Variants in ANKRD44 observed in about 807,000 individuals in gnomAD.
ANKRD44 encodes serine/threonine-protein phosphatase 6 regulatory ankyrin repeat subunit B.
Under a neutral mutation model 116.0 loss-of-function variants are expected in ANKRD44, and 35 were observed. That is an observed-to-expected ratio of 0.30 (90% CI 0.23 to 0.40). The LOEUF is 0.40. Ranked by LOEUF, ANKRD44 falls within the 10% of genes least tolerant of loss-of-function variation. The pLI is 1.00. For synonymous variants in ANKRD44, 435 were observed against 461.8 expected, an observed-to-expected ratio of 0.94 and a Z score of 0.74; for missense variants, 1,014 against 1,242.6, an observed-to-expected ratio of 0.82 and a Z score of 2.77.
intron 20 of ANKRD44, among the ~76,000 whole-genome samples, chr2:197,006,502 G>A (rs1429643294): frequency 6.6e-6 from 1 of 152,106 alleles, no homozygotes; most frequent in Non-Finnish European, 1.5e-5. Context: ...TTAGAATCAG[G>A]AAGATCTAAG....
chr2:197,037,775 A>G (rs1484080604), intron 16 of ANKRD44, among the ~76,000 whole-genome samples: 1 of 152,118 alleles, frequency 6.6e-6, no homozygotes, highest in Non-Finnish European at 1.5e-5. Flanking sequence ...CTGTCTCTAC[A>G]AACAATGACA....
Position 197,022,890 on chromosome 2 carries a change from C to T in ANKRD44, c.1722+2306G>A, listed in dbSNP as rs141174041. Among the ~76,000 whole-genome samples the T allele has an allele frequency of 2.2e-3, 329 of 152,272 alleles. 1 individual carries two copies. The highest frequency in any genetic ancestry group is 7.5e-3 in the African/African-American group (311 of 41,538). On this transcript the variant is annotated intron_variant, in intron 17 of 27. Coordinates refer to ENST00000282272, the MANE Select transcript of ANKRD44 (RefSeq NM_001195144.2). ...CTCAATACTTTCTATCTCCCTGATC[C>T]CATTTCATTTTCTCTGTAGCACCTG...
chr2:196,974,258 T>C (rs1431403593), intron 21 of ANKRD44, among the ~76,000 whole-genome samples: 1 of 151,994 alleles, frequency 6.6e-6, no homozygotes, highest in African/African-American at 2.4e-5. Context: ...AATTTCTGTG[T>C]TTTTTGTAGA....
At position 196,988,705 on chromosome 2, in the gene ANKRD44, CAG is replaced by C. The variant is rs1425464249; in HGVS notation, c.*884_*885del. ...GGAAATGGAACTCATTATAAAACGT[CAG>C]AGAGTACTGCTCTAATTCGACACAT... On this transcript the variant is annotated 3_prime_UTR_variant, in exon 28 of 28. Coordinates refer to ENST00000282272, the MANE Select transcript of ANKRD44 (RefSeq NM_001195144.2). 1.3e-5 allele frequency: 13 copies of C among 985,266 alleles called. No individual in the cohort carries two copies. The highest frequency in any genetic ancestry group is 1.7e-5 in the African/African-American group (1 of 57,230). 61.0% of individuals were successfully genotyped at this position (985,266 alleles called of 1,614,324 possible).
chr2:197,059,347 T>C (rs144971854), intron 16 of ANKRD44, among the ~76,000 whole-genome samples: 14 of 152,342 alleles, frequency 9.2e-5, no homozygotes, highest in Middle Eastern at 3.4e-3. Context: ...AACATAAATA[T>C]GCTTTGGGAC....
At chr2:197,127,538 C>T (rs2079003602) in intron 4 of ANKRD44, among the ~76,000 whole-genome samples, 1 of 151,646 alleles carries the variant, frequency 6.6e-6, no homozygotes, top group African/African-American at 2.4e-5. Context: ...CACATATTGG[C>T]TAAAAATTAA....
At chr2:197,166,708 G>A (rs953380917) in intron 2 of ANKRD44, among the ~76,000 whole-genome samples, 2 of 151,958 alleles carry the variant, frequency 1.3e-5, no homozygotes, top group Non-Finnish European at 2.9e-5. Flanking sequence ...ATAGAGGCAC[G>A]GAGAGATTAA....
At chr2:196,977,395 C>T (rs569567660) in intron 21 of ANKRD44, among the ~76,000 whole-genome samples, 22 of 152,106 alleles carry the variant, frequency 1.4e-4, no homozygotes, top group Middle Eastern at 3.4e-3. Flanking sequence ...AGGATACTGT[C>T]GAGAAAAGGA....
intron 4 of ANKRD44, among the ~76,000 whole-genome samples, chr2:197,132,954 G>T (rs2079126779): frequency 1.3e-5 from 2 of 152,286 alleles, no homozygotes; most frequent in African/African-American, 4.8e-5. Context: ...TGCCAAGTTG[G>T]CTGAGTTGAA....
chr2:197,060,600 T>C (rs2077290978), intron 16 of ANKRD44, among the ~76,000 whole-genome samples: 1 of 152,224 alleles, frequency 6.6e-6, no homozygotes, highest in Admixed American at 6.5e-5. Flanking sequence ...TTATTAACTA[T>C]AGTCCTCATG....
At chr2:197,018,160 C>CT (rs1421574843) in intron 17 of ANKRD44, among the ~76,000 whole-genome samples, 4 of 152,216 alleles carry the variant, frequency 2.6e-5, no homozygotes, top group African/African-American at 9.7e-5. Flanking sequence ...TGTCCCACTG[C>CT]AATCTGTTAT....
chr2:197,141,677 T>A (rs1291782359), intron 3 of ANKRD44, among the ~76,000 whole-genome samples: 1 of 152,078 alleles, frequency 6.6e-6, no homozygotes. Flanking sequence ...CCTCCATTCC[T>A]CCATTTCTCT....
intron 2 of ANKRD44, among the ~76,000 whole-genome samples, chr2:197,148,073 T>A (rs1022620833): frequency 2.0e-5 from 3 of 152,134 alleles, no homozygotes; most frequent in South Asian, 4.1e-4. Context: ...TGCTTCCTCA[T>A]CTGTAAATTG....
At chr2:197,272,066 C>G (rs991151930) in intron 1 of ANKRD44, among the ~76,000 whole-genome samples, 3 of 152,190 alleles carry the variant, frequency 2.0e-5, no homozygotes, top group African/African-American at 7.2e-5. Context: ...AGAGAGCTGG[C>G]TAGCTCCTTC....
rs1009366611 is a variant in ANKRD44, at chr2:197,212,909, G to A, written c.28-25803C>T. ...CATTCCAGAAAGCTTTTCACAGTGT[G>A]AACATCTCACAGAGCTGACTGGGAT... On this transcript the variant is annotated intron_variant, in intron 1 of 27. Transcript: ENST00000282272. The surrounding 1 kb of genome is among the most constrained non-coding windows in gnomAD (Gnocchi z 4.8). Among the ~76,000 whole-genome samples, 6 of 152,174 alleles carry A rather than the reference G, an allele frequency of 3.9e-5. No homozygotes were observed. The highest frequency in any genetic ancestry group is 4.4e-5 in the Non-Finnish European group (3 of 68,022).
intron 1 of ANKRD44, among the ~76,000 whole-genome samples, chr2:197,222,619 A>G (rs1256941971): frequency 6.6e-6 from 1 of 152,096 alleles, no homozygotes; most frequent in East Asian, 1.9e-4. Context: ...AAAGGGCATC[A>G]TCCTCATCAC....
At chr2:197,030,456 C>T (rs2076683824) in intron 16 of ANKRD44, among the ~76,000 whole-genome samples, 2 of 151,774 alleles carry the variant, frequency 1.3e-5, no homozygotes, top group African/African-American at 4.8e-5. Flanking sequence ...TTTTTTTGGC[C>T]GTGTGGATCA....
At position 197,160,043 on chromosome 2, in the gene ANKRD44, G is replaced by GAC. The variant is rs144708469; in HGVS notation, c.112-12940_112-12939dup. On this transcript the variant is annotated intron_variant, in intron 2 of 27. Transcript: ENST00000282272. ...TTCTTATCAGGTGGCCTATATGATAGACACACACACACACATACACACATG... is the reference window on the plus strand; with the variant it reads ...TTCTTATCAGGTGGCCTATATGATAGACACACACACACACACATACACACATG... Among the ~76,000 whole-genome samples, 31 of 151,420 alleles carry GAC rather than the reference G, an allele frequency of 2.0e-4. 1 individual carries two copies. The East Asian group carries it at 4.5e-3, about 22-fold the overall frequency.
chr2:197,139,677 T>G (rs1371723107), intron 3 of ANKRD44, among the ~76,000 whole-genome samples: 1 of 151,988 alleles, frequency 6.6e-6, no homozygotes, highest in Admixed American at 6.6e-5. Context: ...TGGCAAAATA[T>G]TAAGAGTTCC....
Sources: allele counts gnomAD v4.1 joint callset (sites outside exome capture counted in the v4.1 genomes callset), GRCh38; gene constraint gnomAD v4.1.1; non-coding constraint Gnocchi (gnomAD v3.1); transcripts MANE v1.5; gene names NCBI Gene and HGNC (gene_info 2026-07-23, HGNC 2026-07-21).